The following GRIP1 variants were observed in gnomAD, a reference collection of about 807,000 sequenced individuals.
GRIP1 encodes the protein glutamate receptor interacting protein 1.
In GRIP1, 45 loss-of-function variants were observed where a neutral mutation model predicts 129.9. The ratio of observed to expected loss-of-function variants is 0.35; its 90% CI spans 0.27 to 0.44. The LOEUF is 0.44. Ranked by LOEUF, GRIP1 falls within the 20% of genes least tolerant of loss-of-function variation. The probability of loss-of-function intolerance (pLI) is 1.00; values close to 1 mark genes in which losing one functional copy is unlikely to be tolerated. For missense variants in GRIP1, 1,196 were observed against 1,396.8 expected, an observed-to-expected ratio of 0.86 and a Z score of 2.29; for synonymous variants, 530 against 520.8, an observed-to-expected ratio of 1.02 and a Z score of -0.24.
At chr12:66,735,372 G>A (rs1731966275) in intron 1 of GRIP1, among the ~76,000 whole-genome samples, 1 of 152,256 alleles carries the variant, frequency 6.6e-6, no homozygotes, top group African/African-American at 2.4e-5. Context: ...GAGTAATTCT[G>A]GAGTAAAGAA....
At chr12:66,860,936 T>A (rs10784592) in intron 1 of GRIP1, among the ~76,000 whole-genome samples, 60,279 of 151,628 alleles carry the variant, frequency 0.4, 12,292 homozygotes, top group East Asian at 0.7. Flanking sequence ...GGACATTTCA[T>A]TCAAGGCCAT....
chr12:67,067,423 CTTGACAGAATGCT>C (rs2043648409), intron 1 of GRIP1, among the ~76,000 whole-genome samples: 1 of 152,074 alleles, frequency 6.6e-6, no homozygotes, highest in South Asian at 2.1e-4. Flanking sequence ...TCACTCCATG[CTTGACAGAATGCT>C]TTCATGTAGT....
Position 66,347,926 on chromosome 12 carries a change from TAAC to T in GRIP1, c.*1090_*1092del, listed in dbSNP as rs1338585054. ...TTATTTTTTTATGTTCACCAAATAA[TAAC>T]AGTTATTAGTGTAGCTATTCAAAAT... On this transcript the variant is annotated 3_prime_UTR_variant, in exon 25 of 25. Coordinates refer to ENST00000359742, the MANE Select transcript of GRIP1 (RefSeq NM_001366722.1). The T allele has an allele frequency of 3.3e-5, 5 of 152,276 alleles. No homozygotes were observed. In the South Asian group the frequency reaches 6.2e-4, roughly 19 times the overall value. 9.4% of individuals were successfully genotyped at this position (152,276 alleles called of 1,614,324 possible).
At chr12:66,972,456 A>G (rs1393271198) in intron 1 of GRIP1, among the ~76,000 whole-genome samples, 1 of 152,226 alleles carries the variant, frequency 6.6e-6, no homozygotes, top group Non-Finnish European at 1.5e-5. Context: ...TTACAAAGAT[A>G]TAACAGTCCA....
At chr12:67,041,182 T>A (rs1254519254) in intron 1 of GRIP1, among the ~76,000 whole-genome samples, 2 of 152,156 alleles carry the variant, frequency 1.3e-5, no homozygotes, top group East Asian at 3.8e-4. Context: ...TATGTACACA[T>A]ATACAAATAT....
At chr12:66,456,791 T>G in intron 9 of GRIP1, among the ~76,000 whole-genome samples, 1 of 152,184 alleles carries the variant, frequency 6.6e-6, no homozygotes, top group East Asian at 1.9e-4. Context: ...ATCACGTTGG[T>G]GCATGATTCA....
intron 2 of GRIP1, among the ~76,000 whole-genome samples, chr12:66,577,618 A>C (rs7135606): frequency 0.25 from 37,386 of 152,020 alleles, 4,735 homozygotes; most frequent in Admixed American, 0.28. Context: ...TGCTATGAAC[A>C]CTACTGGGCA....
chr12:67,013,282 C>G (rs181026635), intron 1 of GRIP1, among the ~76,000 whole-genome samples: 1 of 152,254 alleles, frequency 6.6e-6, no homozygotes, highest in Non-Finnish European at 1.5e-5. Flanking sequence ...TAAGTCAGAG[C>G]TATGAGATTA....
At chr12:66,765,014 TAAG>T (rs1409448162) in intron 1 of GRIP1, among the ~76,000 whole-genome samples, 2 of 152,248 alleles carry the variant, frequency 1.3e-5, no homozygotes, top group Admixed American at 6.5e-5. Context: ...ATTGGATAGA[TAAG>T]AAAGTTTAGG....
chr12:66,748,247 C>T (rs1343337102), intron 1 of GRIP1, among the ~76,000 whole-genome samples: 1 of 152,120 alleles, frequency 6.6e-6, no homozygotes, highest in East Asian at 1.9e-4. Flanking sequence ...AAACTCCTGA[C>T]CTCAAGTGAT....
intron 1 of GRIP1, among the ~76,000 whole-genome samples, chr12:66,727,075 C>T (rs1295738553): frequency 6.6e-6 from 1 of 152,168 alleles, no homozygotes; most frequent in Non-Finnish European, 1.5e-5. Context: ...TCTCAAACAA[C>T]ATATACTCCA....
At chr12:66,956,652 T>C (rs778264020) in intron 1 of GRIP1, among the ~76,000 whole-genome samples, 1 of 152,138 alleles carries the variant, frequency 6.6e-6, no homozygotes, top group African/African-American at 2.4e-5. Context: ...ACATATCCCA[T>C]TTCTCCTTAA....
At chr12:66,916,951 T>A (rs568573342) in intron 1 of GRIP1, among the ~76,000 whole-genome samples, 1 of 152,354 alleles carries the variant, frequency 6.6e-6, no homozygotes, top group East Asian at 1.9e-4. Context: ...TAGGAATACA[T>A]CTTTATAAAA....
chr12:67,037,184 A>T (rs891029777), intron 1 of GRIP1, among the ~76,000 whole-genome samples: 14 of 151,800 alleles, frequency 9.2e-5, no homozygotes, highest in Admixed American at 7.9e-4. Context: ...AAAAATTAGC[A>T]GGGCGTGGTG....
chr12:66,771,751 G>T (rs1038948316), intron 1 of GRIP1, among the ~76,000 whole-genome samples: 3 of 152,186 alleles, frequency 2.0e-5, no homozygotes, highest in African/African-American at 7.2e-5. Flanking sequence ...AGTTCTTTAA[G>T]CCTGTAATGA....
At chr12:66,984,263 T>G (rs2042278910) in intron 1 of GRIP1, among the ~76,000 whole-genome samples, 1 of 152,174 alleles carries the variant, frequency 6.6e-6, no homozygotes, top group African/African-American at 2.4e-5. Context: ...CTGACCCCAC[T>G]GATTAAAGAC....
chr12:66,547,926 TA>T (rs1205562514), intron 2 of GRIP1, among the ~76,000 whole-genome samples: 1 of 152,172 alleles, frequency 6.6e-6, no homozygotes, highest in African/African-American at 2.4e-5. Flanking sequence ...GTAAAGGATA[TA>T]AGGAATTTCT....
chr12:66,513,760 G>T (rs993860062), intron 7 of GRIP1, among the ~76,000 whole-genome samples: 1 of 152,120 alleles, frequency 6.6e-6, no homozygotes, highest in African/African-American at 2.4e-5. Context: ...GAACTCTAGG[G>T]TGTGAAAACT....
At chr12:66,626,469 A>T (rs1272438355) in intron 1 of GRIP1, 1 of 152,252 alleles carries the variant, frequency 6.6e-6, no homozygotes, top group Admixed American at 6.5e-5. Flanking sequence ...ACGTGTGCAC[A>T]ACAAATAGTA....
Sources: allele counts gnomAD v4.1 joint callset (sites outside exome capture counted in the v4.1 genomes callset), GRCh38; gene constraint gnomAD v4.1.1; transcripts MANE v1.5; gene names NCBI Gene and HGNC (gene_info 2026-07-23, HGNC 2026-07-21).